Variants in ARHGAP32 observed in about 807,000 individuals in gnomAD.
The protein encoded by ARHGAP32 is Rho GTPase activating protein 32, also known as rho GTPase-activating protein 32.
In ARHGAP32, 51 loss-of-function variants were observed where a neutral mutation model predicts 186.5. The ratio of observed to expected loss-of-function variants is 0.27; its 90% CI spans 0.22 to 0.35. The LOEUF is 0.35. Ranked by LOEUF, ARHGAP32 falls within the 10% of genes least tolerant of loss-of-function variation. The pLI, the probability that ARHGAP32 is intolerant of heterozygous loss-of-function variation, is 1.00. For synonymous variants in ARHGAP32, 950 were observed against 964.3 expected (o/e 0.99, Z 0.27); for missense variants, 2,186 against 2,623.5 (o/e 0.83, Z 3.64).
chr11:128,983,705 C>T (rs1192234786), intron 15 of ARHGAP32, among the ~76,000 whole-genome samples: 2 of 150,652 alleles, frequency 1.3e-5, no homozygotes, highest in Non-Finnish European at 3.0e-5. Flanking sequence ...AAAAGAAAAC[C>T]ATGTAAAATT....
intron 1 of ARHGAP32, among the ~76,000 whole-genome samples, chr11:129,250,051 A>C (rs1313199904): frequency 8.4e-6 from 1 of 119,258 alleles, no homozygotes; most frequent in African/African-American, 2.7e-5. Context: ...TCATTTCTAC[A>C]AAAAAAAAAA....
At chr11:129,274,211 T>A (rs1031501427) in intron 1 of ARHGAP32, among the ~76,000 whole-genome samples, 8 of 152,208 alleles carry the variant, frequency 5.3e-5, no homozygotes, top group Admixed American at 6.5e-5. Context: ...ATCTACTTTA[T>A]AAAATCCTTA....
At chr11:129,219,137 T>C (rs1470596951) in intron 1 of ARHGAP32, among the ~76,000 whole-genome samples, 3 of 152,204 alleles carry the variant, frequency 2.0e-5, no homozygotes, top group Non-Finnish European at 2.9e-5. Flanking sequence ...GATTATGATC[T>C]TGAGAACCTG....
intron 11 of ARHGAP32, among the ~76,000 whole-genome samples, chr11:129,020,967 G>A (rs1383192365): frequency 6.6e-6 from 1 of 151,918 alleles, no homozygotes; most frequent in Non-Finnish European, 1.5e-5. Context: ...AAGCTATCTG[G>A]GACCGGATCA....
Position 129,066,827 on chromosome 11 carries a change from C to T in ARHGAP32, c.573G>A (p.Arg191=). The T allele has an allele frequency of 6.2e-7, 1 of 1,611,140 alleles. No individual in the cohort carries two copies. The stretch of plus-strand genomic sequence containing the variant: ...ACAGATGAAGATGTTTATCAAGTAC[C>T]CGAAAATCTTCATAACTTCTTTTAA... ...WIVKRSYEDF[R]VLDKHLHLCI... The change falls in exon 7 of 23, where the codon CGG becomes CGA. Residue 191 remains arginine (R), a synonymous_variant. Coordinates refer to ENST00000682385, the MANE Select transcript of ARHGAP32 (RefSeq NM_001378024.1).
upstream of ARHGAP32, among the ~76,000 whole-genome samples, chr11:129,193,210 G>A (rs546881300): frequency 5.4e-5 from 8 of 147,898 alleles, no homozygotes; most frequent in East Asian, 4.1e-4. Flanking sequence ...AGTGGCTCAC[G>A]CCTGTAATCC....
intron 5 of ARHGAP32, among the ~76,000 whole-genome samples, chr11:129,122,935 T>C (rs1026300829): frequency 6.6e-6 from 1 of 152,134 alleles, no homozygotes; most frequent in Non-Finnish European, 1.5e-5. Flanking sequence ...CATTAATATA[T>C]ATATAATGTA....
At chr11:129,221,504 TG>T (rs1944710581) in intron 1 of ARHGAP32, among the ~76,000 whole-genome samples, 2 of 142,138 alleles carry the variant, frequency 1.4e-5, no homozygotes, top group South Asian at 2.4e-4. Flanking sequence ...TGTGTGTGTG[TG>T]TGTGTGTGTG....
intron 1 of ARHGAP32, among the ~76,000 whole-genome samples, chr11:129,217,021 T>C (rs1944657022): frequency 1.3e-5 from 2 of 152,172 alleles, no homozygotes; most frequent in Admixed American, 6.5e-5. Flanking sequence ...TAACTAAATA[T>C]ACCTCACATT....
intron 1 of ARHGAP32, among the ~76,000 whole-genome samples, chr11:129,224,254 T>C (rs1021306658): frequency 1.3e-5 from 2 of 152,186 alleles, no homozygotes; most frequent in Admixed American, 1.3e-4. Flanking sequence ...AGAAGGCTTG[T>C]AGGATCTAAA....
intron 1 of ARHGAP32, among the ~76,000 whole-genome samples, chr11:129,171,859 G>A (rs192598175): frequency 6.6e-6 from 1 of 152,164 alleles, no homozygotes; most frequent in East Asian, 1.9e-4. Context: ...GCAGTGGTTT[G>A]TAGTTCTCCT....
chr11:128,974,659 A>G lies in ARHGAP32; in HGVS notation c.2538T>C (p.Asn846=), dbSNP rs1565350006. 2.5e-6 allele frequency: 4 copies of G among 1,614,040 alleles called. No homozygotes were observed. The highest frequency in any genetic ancestry group is 1.7e-6 in the Non-Finnish European group (2 of 1,179,998). The change falls in exon 21 of 23, where the codon AAT becomes AAC. Residue 846 remains asparagine, a synonymous_variant. Coordinates refer to ENST00000682385, the MANE Select transcript of ARHGAP32 (RefSeq NM_001378024.1). ...TACTACCTGTTTCTGCATCCTTTTT[A>G]TTGGCACTTGGTTTATCCTTGGAGT... The part of the protein sequence containing the change: ...PGYSKDKPSA[N]KKDAETGSSQ...
chr11:129,176,837 A>G (rs11221592), intron 1 of ARHGAP32, among the ~76,000 whole-genome samples: 29,618 of 151,998 alleles, frequency 0.19, 3,073 homozygotes, highest in Non-Finnish European at 0.23. Context: ...GAAAGCAGGA[A>G]AGATCCAACA....
chr11:129,024,118 C>G, intron 11 of ARHGAP32: 1 of 985,496 alleles, frequency 1.0e-6, no homozygotes, highest in Non-Finnish European at 1.2e-6. Context: ...GTCAGTGGAG[C>G]CCAGCAAGCC....
intron 6 of ARHGAP32, among the ~76,000 whole-genome samples, chr11:129,077,685 T>C (rs937182571): frequency 3.3e-5 from 5 of 152,094 alleles, no homozygotes; most frequent in Admixed American, 6.6e-5. Context: ...CCCCACCTGA[T>C]GGTCTTTCTC....
At chr11:129,242,015 G>A (rs932871967) in intron 1 of ARHGAP32, among the ~76,000 whole-genome samples, 1 of 152,150 alleles carries the variant, frequency 6.6e-6, no homozygotes, top group Non-Finnish European at 1.5e-5. Flanking sequence ...GCTGGGATAG[G>A]GTCAGGAGAC....
chr11:129,234,887 C>T (rs1166471646), intron 1 of ARHGAP32, among the ~76,000 whole-genome samples: 1 of 152,138 alleles, frequency 6.6e-6, no homozygotes, highest in Non-Finnish European at 1.5e-5. Flanking sequence ...TCACCATTCC[C>T]TTAGTTTACC....
intron 1 of ARHGAP32, among the ~76,000 whole-genome samples, chr11:129,169,599 T>A (rs1591667613): frequency 8.1e-6 from 1 of 123,734 alleles, no homozygotes; most frequent in South Asian, 2.6e-4. Context: ...ACCACTGCAC[T>A]CCAGCCTGGG....
In ARHGAP32 at chr11:128,968,764, G is replaced by T; in HGVS notation, c.*143C>A. The T allele has an allele frequency of 1.6e-6, 1 of 626,680 alleles. No individual in the cohort carries two copies. The highest frequency in any genetic ancestry group is 2.4e-6 in the Non-Finnish European group (1 of 422,252). The allele number at this position is 626,680 out of a possible 1,614,324, so 38.8% of individuals were successfully genotyped here. On this transcript the variant is annotated 3_prime_UTR_variant, in exon 23 of 23. Transcript: ENST00000682385. ...ATGAAGCAGGGAAGGGGAAAAAGAT[G>T]CTGATTTGTTTACTTTTATTATCAT...
Sources: gnomAD v4.1 joint callset for allele counts (sites outside exome capture counted in the v4.1 genomes callset) on GRCh38, gnomAD v4.1.1 for gene constraint, MANE v1.5 for transcripts, NCBI Gene and HGNC (gene_info 2026-07-23, HGNC 2026-07-21) for gene names.